FMNL1: variants seen among roughly 807,000 people sequenced by gnomAD.
The protein encoded by FMNL1 is formin-like protein 1.
Under a neutral mutation model 121.3 loss-of-function variants are expected in FMNL1, and 43 were observed. The ratio of observed to expected loss-of-function variants is 0.35; its 90% CI spans 0.28 to 0.46. The LOEUF (loss-of-function observed/expected upper bound fraction) is 0.46, where lower values mean the gene tolerates loss of function less well. FMNL1 is among the 20% of genes least tolerant of loss of function. The pLI is 1.00. For synonymous variants in FMNL1, 613 were observed against 613.5 expected (o/e 1.00, Z 0.01); for missense variants, 1,191 against 1,482.4 (o/e 0.80, Z 3.23).
intron 3 of FMNL1, chr17:45,232,998 A>C (rs1212386088): frequency 1.4e-5 from 9 of 642,794 alleles, no homozygotes; most frequent in South Asian, 1.4e-4. Context: ...GTGCCCATGT[A>C]TCGGGGGTGT....
rs2143375363 is a variant in FMNL1 at position 45,233,951 on chromosome 17, C to T, written c.486-121C>T. 4 of 1,436,744 alleles carry T rather than the reference C, an allele frequency of 2.8e-6. No homozygotes were observed. The highest frequency in any genetic ancestry group is 3.7e-6 in the Non-Finnish European group (4 of 1,070,796). 89.0% of individuals were successfully genotyped at this position (1,436,744 alleles called of 1,614,324 possible). On this transcript the variant is annotated intron_variant, in intron 5 of 26. Transcript: ENST00000331495. The surrounding 1 kb of genome is among the most constrained non-coding windows in gnomAD (Gnocchi z 4.1). ...TATGTTCAGCACAGTGCCAAGAACA[C>T]AGCCTCCTCCTCCTGCTCCTTAGTC...
Position 45,245,892 on chromosome 17 carries a change from G to A in FMNL1, c.3009G>A (p.Glu1003=). The change falls in exon 24 of 27, where the codon GAG becomes GAA. Residue 1003 remains glutamate, a synonymous_variant. Coordinates refer to ENST00000331495, the MANE Select transcript of FMNL1 (RefSeq NM_005892.4). ...FIKAYKKAEQ[E]VEQWKKEAAA... ...TTGGCCCACAGAAAGCTGAGCAGGAGGTGGAACAGTGGAAAAAAGAAGCCG... is the reference window on the plus strand; with the variant it reads ...TTGGCCCACAGAAAGCTGAGCAGGAAGTGGAACAGTGGAAAAAAGAAGCCG... The A allele has an allele frequency of 1.3e-6, 2 of 1,594,824 alleles. No individual in the cohort carries two copies. The highest frequency in any genetic ancestry group is 1.7e-6 in the Non-Finnish European group (2 of 1,173,114).
rs187066532 is a variant in FMNL1 at position 45,231,200 on chromosome 17, C to T, written c.213+513C>T. Among the ~76,000 whole-genome samples, 11 of 152,352 alleles carry T rather than the reference C, an allele frequency of 7.2e-5. No individual in the cohort carries two copies. The highest frequency in any genetic ancestry group is 2.4e-4 in the African/African-American group (10 of 41,580). On this transcript the variant is annotated intron_variant, in intron 2 of 26. Coordinates refer to ENST00000331495, the MANE Select transcript of FMNL1 (RefSeq NM_005892.4). The surrounding 1 kb of genome is among the most constrained non-coding windows in gnomAD (Gnocchi z 4.7). ...TGCTCCGTCCAGGTGCCTGGACTCA[C>T]GGGTCACTCAGCTGTCCCCACCCCT...
At chr17:45,242,244 C>T in intron 15 of FMNL1, 97 bp from the exon 16 acceptor site, 2 of 1,576,262 alleles carry the variant, frequency 1.3e-6, no homozygotes, top group South Asian at 2.3e-5. Context: ...TGGGGGCCTC[C>T]TGCTGCCTCC....
In FMNL1 at chr17:45,222,145, C is replaced by T; in HGVS notation, c.21C>T (p.Ser7=). The T allele has an allele frequency of 8.4e-7, 1 of 1,190,264 alleles. No homozygotes were observed. 73.7% of individuals were successfully genotyped at this position (1,190,264 alleles called of 1,614,324 possible). A position where few individuals can be genotyped will look rare whatever the true frequency, so the allele number is the denominator to read the frequency against. The change falls in exon 1 of 27, where the codon AGC becomes AGT. Residue 7 remains serine (S), a synonymous_variant. Coordinates refer to ENST00000331495, the MANE Select transcript of FMNL1 (RefSeq NM_005892.4). Reference sequence around the variant, plus strand: ...CCACCATGGGCAACGCGGCCGGCAGCGCCGAGCAGCCCGCGGGCCCCGCCG... The same window carrying T: ...CCACCATGGGCAACGCGGCCGGCAGTGCCGAGCAGCCCGCGGGCCCCGCCG... MGNAAG[S]AEQPAGPAAP...
chr17:45,233,900 G>T lies in FMNL1; in HGVS notation c.485+169G>T. On this transcript the variant is annotated intron_variant, in intron 5 of 26. Transcript: ENST00000331495. The surrounding 1 kb of genome is among the most constrained non-coding windows in gnomAD (Gnocchi z 4.1). ...CCTTCCAGAAGGCCTGCCCCCGACA[G>T]GGAGGGGTGGCCTCTCTTCCACCAC... 7.6e-7 allele frequency: 1 copy of T among 1,310,962 alleles called. No homozygotes were observed. Among genetic ancestry groups the T allele is most frequent in the South Asian group, 1.5e-5 (1 of 68,582 alleles). The allele number at this position is 1,310,962 out of a possible 1,614,324, so 81.2% of individuals were successfully genotyped here.
chr17:45,240,902 A>G, intron 12 of FMNL1: 2 of 696,398 alleles, frequency 2.9e-6, no homozygotes, highest in Non-Finnish European at 4.7e-6. Flanking sequence ...GGCCCCTCCC[A>G]GCTCAGTCTC....
In FMNL1 at chr17:45,244,779, G is replaced by C. The variant is rs115443217; in HGVS notation, c.2518-40G>C. The C allele has an allele frequency of 9.8e-4, 1,553 of 1,586,992 alleles. 21 individuals are homozygous for C. In the African/African-American group the frequency reaches 0.019, roughly 20 times the overall value. ...GCAATATGCTTAAGCGGTGTCCTCA[G>C]CTCTGGCATTCTGCTGAGCCTTTCT... On this transcript the variant is annotated intron_variant, in intron 19 of 26. Coordinates refer to ENST00000331495, the MANE Select transcript of FMNL1 (RefSeq NM_005892.4).
In FMNL1 at chr17:45,240,467, G is replaced by C. The variant is rs2043662190; in HGVS notation, c.1081-9G>C. 5 of 1,606,152 alleles carry C rather than the reference G, an allele frequency of 3.1e-6. No homozygotes were observed. On this transcript the variant is annotated splice_polypyrimidine_tract_variant and intron_variant, in intron 11 of 26. Transcript: ENST00000331495. ...AGGCCTCACCCCACTCCTTCCATCTGGGGGACAGAGGCTTCGGCTCACCGA... is the reference window on the plus strand; with the variant it reads ...AGGCCTCACCCCACTCCTTCCATCTCGGGGACAGAGGCTTCGGCTCACCGA...
chr17:45,240,737 T>A, intron 12 of FMNL1, 112 bp downstream of exon 12: 1 of 1,411,612 alleles, frequency 7.1e-7, no homozygotes, highest in Non-Finnish European at 9.4e-7. Flanking sequence ...TAATTGTGCA[T>A]TGGAGGTGCT....
Position 45,237,687 on chromosome 17 carries a change from T to A in FMNL1, c.894+48T>A. The A allele has an allele frequency of 6.3e-7, 1 of 1,599,320 alleles. No homozygotes were observed. Among genetic ancestry groups the A allele is most frequent in the Non-Finnish European group, 8.6e-7 (1 of 1,167,468 alleles). On this transcript the variant is annotated intron_variant, in intron 9 of 26. Coordinates refer to ENST00000331495, the MANE Select transcript of FMNL1 (RefSeq NM_005892.4). The surrounding 1 kb of genome is among the most constrained non-coding windows in gnomAD (Gnocchi z 4.4). ...CATGCATTTCCCCCTATGGTGTTGC[T>A]TGGAGTCTTGTTGTTGGCAGTTGTG...
rs528862314 is a variant in FMNL1, at chr17:45,233,369, C to T, written c.401+72C>T. On this transcript the variant is annotated intron_variant, in intron 4 of 26. Transcript: ENST00000331495. The surrounding 1 kb of genome is among the most constrained non-coding windows in gnomAD (Gnocchi z 4.1). ...CTTCCAGGCAGCTCCTGGAGCTTCCCCTTCCTACTCCCCCTGCCCCCTGCA... is the reference window on the plus strand; with the variant it reads ...CTTCCAGGCAGCTCCTGGAGCTTCCTCTTCCTACTCCCCCTGCCCCCTGCA... 47 of 1,446,788 alleles carry T rather than the reference C, an allele frequency of 3.2e-5. No individual in the cohort carries two copies. The Middle Eastern group carries it at 7.3e-4, about 23-fold the overall frequency. The allele number at this position is 1,446,788 out of a possible 1,614,324, so 89.6% of individuals were successfully genotyped here. A position where few individuals can be genotyped will look rare whatever the true frequency, so the allele number is the denominator to read the frequency against.
At position 45,241,800 on chromosome 17, in the gene FMNL1, A is replaced by G; in HGVS notation, c.1586-47A>G. On this transcript the variant is annotated intron_variant, in intron 14 of 26. Transcript: ENST00000331495. The surrounding 1 kb of genome is among the most constrained non-coding windows in gnomAD (Gnocchi z 7.0). ...AGGCGGAGAGGGGCCCACCCAAGTC[A>G]AGGAGCTGACTCGCGCCTCCCCCAC... The G allele has an allele frequency of 1.4e-6, 2 of 1,403,886 alleles. No individual in the cohort carries two copies. The highest frequency in any genetic ancestry group is 3.1e-5 in the South Asian group (2 of 64,346). 87.0% of individuals were successfully genotyped at this position (1,403,886 alleles called of 1,614,324 possible).
At chr17:45,236,547 C>T (rs780438017) in intron 7 of FMNL1, 8 of 251,628 alleles carry the variant, frequency 3.2e-5, no homozygotes, top group Non-Finnish European at 6.1e-5. Flanking sequence ...GGGAGAACAG[C>T]CTCGGGTCGA....
intron 6 of FMNL1, chr17:45,234,439 C>T: frequency 1.8e-6 from 1 of 545,516 alleles, no homozygotes; most frequent in Non-Finnish European, 3.2e-6. Flanking sequence ...CTGAGGTGGG[C>T]AGATCATTTG....
chr17:45,246,102 G>GT (rs2043826234), intron 24 of FMNL1, 108 bp from the exon 25 acceptor site: 1 of 1,533,402 alleles, frequency 6.5e-7, no homozygotes, highest in East Asian at 2.3e-5. Flanking sequence ...ATGGGAAAGG[G>GT]TTCTTTCTGC....
At chr17:45,244,100 C>A in intron 18 of FMNL1, 75 bp downstream of exon 18, 1 of 1,604,084 alleles carries the variant, frequency 6.2e-7, no homozygotes, top group South Asian at 1.1e-5. Context: ...TGGGCTGCGG[C>A]AGGGAACCTG....
Position 45,241,016 on chromosome 17 carries a change from C to A in FMNL1, c.1231-113C>A. 6.7e-6 allele frequency: 9 copies of A among 1,343,802 alleles called. No individual in the cohort carries two copies. Among genetic ancestry groups the A allele is most frequent in the South Asian group, 1.2e-5 (1 of 80,790 alleles). 83.2% of individuals were successfully genotyped at this position (1,343,802 alleles called of 1,614,324 possible). A position where few individuals can be genotyped will look rare whatever the true frequency, so the allele number is the denominator to read the frequency against. ...GCCCACCCTTGGCACCTGGGCTGAG[C>A]GGATCTGGGAGCCTCCCCCAGTCTT... On this transcript the variant is annotated intron_variant, in intron 12 of 26. Transcript: ENST00000331495. This position sits in a 1 kb window ranked among gnomAD's most constrained non-coding sequence, Gnocchi z 7.0.
In FMNL1 at chr17:45,247,142, T is replaced by C. The variant is rs1375782350; in HGVS notation, c.*284T>C. ...CACAGAGGGCAGCATCGCCCGCCCCTTCCCCCAAATGCTGCTTGCAGCACC... is the reference window on the plus strand; with the variant it reads ...CACAGAGGGCAGCATCGCCCGCCCCCTCCCCCAAATGCTGCTTGCAGCACC... On this transcript the variant is annotated 3_prime_UTR_variant, in exon 27 of 27. Transcript: ENST00000331495. 33 of 582,964 alleles carry C rather than the reference T, an allele frequency of 5.7e-5. 1 individual carries two copies. In the South Asian group the frequency reaches 6.2e-4, roughly 11 times the overall value. The allele number at this position is 582,964 out of a possible 1,614,324, so 36.1% of individuals were successfully genotyped here.
Sources: gnomAD v4.1 joint callset for allele counts (sites outside exome capture counted in the v4.1 genomes callset) on GRCh38, gnomAD v4.1.1 for gene constraint, Gnocchi (gnomAD v3.1) non-coding constraint, MANE v1.5 for transcripts, NCBI Gene and HGNC (gene_info 2026-07-23, HGNC 2026-07-21) for gene names.